HIVEP1: variants seen among roughly 807,000 people sequenced by gnomAD.
The protein encoded by HIVEP1 is zinc finger protein 40.
In HIVEP1, 36 loss-of-function variants were observed where a neutral mutation model predicts 180.0. The ratio of observed to expected loss-of-function variants is 0.20; its 90% confidence interval spans 0.15 to 0.26. The LOEUF (loss-of-function observed/expected upper bound fraction) is 0.26, where lower values mean the gene tolerates loss of function less well. Among genes scored for constraint, HIVEP1 ranks in the 10% least tolerant of loss-of-function variants. The pLI, the probability that HIVEP1 is intolerant of heterozygous loss-of-function variation, is 1.00. For synonymous variants in HIVEP1, 1,239 were observed against 1,239.0 expected (o/e 1.00, Z 0.00); for missense variants, 3,143 against 3,268.7 (o/e 0.96, Z 0.94).
chr6:12,162,942 C>G (rs1241365730), intron 8 of HIVEP1, among the ~76,000 whole-genome samples: 1 of 152,090 alleles, frequency 6.6e-6, no homozygotes, highest in East Asian at 1.9e-4. Flanking sequence ...GAAATAATAA[C>G]AAAAATAGCA....
At chr6:12,161,402 A>G in intron 7 of HIVEP1, 37 bp from the exon 8 acceptor site, 1 of 1,569,160 alleles carries the variant, frequency 6.4e-7, no homozygotes, top group Non-Finnish European at 8.6e-7. Flanking sequence ...GCACTTGGAA[A>G]GCATTCCATC....
At chr6:12,008,665 C>T (rs1767125486), upstream of HIVEP1, 1 of 152,006 alleles carries the variant, frequency 6.6e-6, no homozygotes, top group African/African-American at 2.4e-5. Context: ...AAGGTAGAAA[C>T]CGATGGAGGC....
rs898054094 is a variant in HIVEP1, at chr6:12,124,240, T to G, written c.4445T>G (p.Leu1482Trp). Residue 1482 changes from leucine to tryptophan, a missense_variant, in exon 4 of 9, where the codon TTG (leucine) becomes TGG (tryptophan). Leu to Trp is a moderately conservative substitution (Grantham distance 61). Transcript: ENST00000379388. ...TTAGCTGAGTTTTCTGCAAATACTT[T>G]GCACTCTCAGACTCAGGTTAAGGAT... The part of the protein sequence containing the change: ...TSLAEFSANT[L>W]HSQTQVKDLQ... 1.2e-6 allele frequency: 2 copies of G among 1,614,144 alleles called. No individual in the cohort carries two copies. Among genetic ancestry groups the G allele is most frequent in the Admixed American group, 3.3e-5 (2 of 60,026 alleles).
intron 2 of HIVEP1, among the ~76,000 whole-genome samples, chr6:12,017,984 C>A (rs993599118): frequency 3.3e-5 from 5 of 152,170 alleles, no homozygotes; most frequent in African/African-American, 4.8e-5. Flanking sequence ...CAGCGCTCAT[C>A]GGGGAGGCTG....
At chr6:12,111,515 A>G (rs1774890677) in intron 3 of HIVEP1, among the ~76,000 whole-genome samples, 1 of 152,206 alleles carries the variant, frequency 6.6e-6, no homozygotes, top group African/African-American at 2.4e-5. Context: ...CTGCTTATTC[A>G]GGTTACTGGC....
At chr6:12,148,738 T>A (rs538431382) in intron 7 of HIVEP1, among the ~76,000 whole-genome samples, 2 of 152,210 alleles carry the variant, frequency 1.3e-5, no homozygotes, top group East Asian at 3.8e-4. Context: ...GTTATCAAAG[T>A]CAGCCTCTTT....
chr6:12,161,899 T>C lies in HIVEP1; in HGVS notation c.6948T>C (p.Ser2316=), dbSNP rs1760432348. ...AGTCAGAAGAAATTCTGAGAAGTTCTATGGCAGGAAAAGCTGTTGCTATAA... is the reference window on the plus strand; with the variant it reads ...AGTCAGAAGAAATTCTGAGAAGTTCCATGGCAGGAAAAGCTGTTGCTATAA... ...YPESEEILRS[S]MAGKAVAITQ... is the part of the protein sequence containing the mutation. Residue 2316 remains serine (S), a synonymous_variant, in exon 8 of 9, where the codon TCT becomes TCC. Coordinates refer to ENST00000379388, the MANE Select transcript of HIVEP1 (RefSeq NM_002114.4). 1 of 1,612,478 alleles carries C rather than the reference T, an allele frequency of 6.2e-7. No homozygotes were observed. Among genetic ancestry groups the C allele is most frequent in the Non-Finnish European group, 8.5e-7 (1 of 1,178,916 alleles).
downstream of HIVEP1, among the ~76,000 whole-genome samples, chr6:12,169,931 T>G (rs1166407138): frequency 1.3e-5 from 2 of 151,998 alleles, no homozygotes; most frequent in Non-Finnish European, 2.9e-5. Flanking sequence ...CCATCCTGGC[T>G]AACACAGCGA....
the HIVEP1 span, among the ~76,000 whole-genome samples, chr6:12,186,547 TA>T: frequency 9.5e-4 from 133 of 140,718 alleles, no homozygotes; most frequent in African/African-American, 3.2e-3. Flanking sequence ...ATCAAATTGT[TA>T]AAAAAAAAAA....
intron 2 of HIVEP1, among the ~76,000 whole-genome samples, chr6:12,071,325 C>T (rs1401269670): frequency 6.6e-6 from 1 of 152,174 alleles, no homozygotes; most frequent in Non-Finnish European, 1.5e-5. Flanking sequence ...ATACCTCCTG[C>T]CCCCCAGCCA....
intron 2 of HIVEP1, among the ~76,000 whole-genome samples, chr6:12,045,710 C>T (rs1770075378): frequency 6.6e-6 from 1 of 152,176 alleles, no homozygotes. Flanking sequence ...GTGATTTTAG[C>T]ACATAAATGC....
chr6:12,016,309 AT>A (rs1337581475), intron 2 of HIVEP1, among the ~76,000 whole-genome samples: 1 of 152,206 alleles, frequency 6.6e-6, no homozygotes, highest in Admixed American at 6.5e-5. Context: ...GTTTAAAAAG[AT>A]TTGTATTGTT....
chr6:12,138,825 TC>T (rs1201969696), intron 7 of HIVEP1, among the ~76,000 whole-genome samples: 1 of 151,694 alleles, frequency 6.6e-6, no homozygotes, highest in Non-Finnish European at 1.5e-5. Context: ...TAAGCACACT[TC>T]CCCCATAGTC....
chr6:12,199,418 A>G, the HIVEP1 span, among the ~76,000 whole-genome samples: 2 of 139,246 alleles, frequency 1.4e-5, no homozygotes, highest in Non-Finnish European at 3.0e-5. Flanking sequence ...CTGGAGGACA[A>G]TGGCGTGATC....
At chr6:12,179,036 A>T in the HIVEP1 span, among the ~76,000 whole-genome samples, 2 of 152,186 alleles carry the variant, frequency 1.3e-5, no homozygotes, top group African/African-American at 4.8e-5. Flanking sequence ...ATATAAACAA[A>T]TGAAGTATAG....
chr6:12,193,654 A>G, the HIVEP1 span, among the ~76,000 whole-genome samples: 1 of 152,214 alleles, frequency 6.6e-6, no homozygotes. Context: ...TTAAAGCTCA[A>G]TTAATCCGCT....
rs538362431 is a variant in HIVEP1 at position 12,017,512 on chromosome 6, T to C, written c.40+1844T>C. ...GAGCACAACAACAAAGCTTCCACAG[T>C]CTGCAAGGGGACCCAAGCAGTTGCA... is the stretch of plus-strand genomic sequence containing the variant. On this transcript the variant is annotated intron_variant, in intron 2 of 8. Transcript: ENST00000379388. Among the ~76,000 whole-genome samples, 10 of 152,254 alleles carry C rather than the reference T, an allele frequency of 6.6e-5. No individual in the cohort carries two copies. In the East Asian group the frequency reaches 1.7e-3, roughly 26 times the overall value.
chr6:12,123,920 A>G lies in HIVEP1; in HGVS notation c.4125A>G (p.Gln1375=), dbSNP rs1050385358. The G allele has an allele frequency of 1.9e-6, 3 of 1,614,034 alleles. No homozygotes were observed. Among genetic ancestry groups the G allele is most frequent in the Non-Finnish European group, 1.7e-6 (2 of 1,180,006 alleles). The part of the protein sequence containing the change: ...RTASEQINCT[Q]TSMEVSDLRS... ...CATCAGAACAGATTAATTGCACGCA[A>G]ACGTCAATGGAGGTCTCTGATCTCA... The change falls in exon 4 of 9, where the codon CAA becomes CAG. Residue 1375 remains glutamine, a synonymous_variant. Transcript: ENST00000379388.
chr6:12,184,805 G>C, the HIVEP1 span, among the ~76,000 whole-genome samples: 1 of 152,170 alleles, frequency 6.6e-6, no homozygotes, highest in East Asian at 1.9e-4. Context: ...AAAAGGTTCA[G>C]CTGAAAAGTG....
Sources: allele counts gnomAD v4.1 joint callset (sites outside exome capture counted in the v4.1 genomes callset), GRCh38; gene constraint gnomAD v4.1.1; transcripts MANE v1.5; gene names NCBI Gene and HGNC (gene_info 2026-07-23, HGNC 2026-07-21).